ZFAND3: variants seen among roughly 807,000 people sequenced by gnomAD.
The protein encoded by ZFAND3 is AN1-type zinc finger protein 3.
ZFAND3 carries 10 observed loss-of-function variants against 29.6 expected under a neutral mutation model. The ratio of observed to expected loss-of-function variants is 0.34; its 90% CI spans 0.21 to 0.57. The LOEUF (loss-of-function observed/expected upper bound fraction) is 0.57, where lower values mean the gene tolerates loss of function less well. ZFAND3 is among the 20% of genes least tolerant of loss of function. The probability of loss-of-function intolerance (pLI) is 0.86; values close to 1 mark genes in which losing one functional copy is unlikely to be tolerated. For missense variants in ZFAND3, 230 were observed against 304.5 expected, an observed-to-expected ratio of 0.76 and a Z score of 1.82; for synonymous variants, 128 against 112.6, an observed-to-expected ratio of 1.14 and a Z score of -0.87.
At chr6:38,022,891 A>AACT (rs1447460963) in intron 2 of ZFAND3, among the ~76,000 whole-genome samples, 5 of 152,194 alleles carry the variant, frequency 3.3e-5, no homozygotes, top group East Asian at 1.9e-4. Flanking sequence ...GACTCTTAGT[A>AACT]TAGTTCAGCC....
chr6:37,912,991 A>G (rs1765550197), intron 1 of ZFAND3, among the ~76,000 whole-genome samples: 1 of 152,222 alleles, frequency 6.6e-6, no homozygotes, highest in African/African-American at 2.4e-5. Flanking sequence ...TAATAGCATT[A>G]TGTCTAAAAA....
At chr6:38,039,620 G>A (rs1287997288) in intron 2 of ZFAND3, among the ~76,000 whole-genome samples, 1 of 152,270 alleles carries the variant, frequency 6.6e-6, no homozygotes, top group African/African-American at 2.4e-5. Flanking sequence ...TGTAAGACAT[G>A]CAGTACAGTA....
Position 38,041,764 on chromosome 6 carries a change from TCC to T in ZFAND3, c.113-19828_113-19827del, listed in dbSNP as rs1763783808. Among the ~76,000 whole-genome samples, 3 of 2,624 alleles carry T rather than the reference TCC, an allele frequency of 1.1e-3. 1 individual carries two copies. The highest frequency in any genetic ancestry group is 1.3e-3 in the African/African-American group (3 of 2,226). 1.7% of individuals were successfully genotyped at this position (2,624 alleles called of 152,430 possible). ...CTCCTCCTCCTCCTCCTCCTCCTCCTCCTCCTCCTCCTCCTCCTCTTCTTTCT... is the reference window on the plus strand; with the variant it reads ...CTCCTCCTCCTCCTCCTCCTCCTCCTTCCTCCTCCTCCTCCTCTTCTTTCT... On this transcript the variant is annotated intron_variant, in intron 2 of 5. Transcript: ENST00000287218.
In ZFAND3 at chr6:38,152,636, TTG is replaced by T; in HGVS notation, c.*248_*249del. Reference sequence around the variant, plus strand: ...TTAAAACATGAAGAATATTTTTTTTTTGAGCATGGCTAGTGGATTTAAAACAA... The same window carrying T: ...TTAAAACATGAAGAATATTTTTTTTTAGCATGGCTAGTGGATTTAAAACAA... On this transcript the variant is annotated 3_prime_UTR_variant, in exon 6 of 6. Transcript: ENST00000287218. 1.7e-6 allele frequency: 2 copies of T among 1,176,202 alleles called. No individual in the cohort carries two copies. The highest frequency in any genetic ancestry group is 2.1e-6 in the Non-Finnish European group (2 of 947,014). The allele number at this position is 1,176,202 out of a possible 1,614,324, so 72.9% of individuals were successfully genotyped here. A position where few individuals can be genotyped will look rare whatever the true frequency, so the allele number is the denominator to read the frequency against.
chr6:37,957,323 T>C (rs1762101378), intron 2 of ZFAND3, among the ~76,000 whole-genome samples: 1 of 152,104 alleles, frequency 6.6e-6, no homozygotes, highest in Non-Finnish European at 1.5e-5. Context: ...TTTTTTTTTT[T>C]CATTGAATTC....
chr6:37,912,920 T>G (rs1765548425), intron 1 of ZFAND3, among the ~76,000 whole-genome samples: 1 of 152,202 alleles, frequency 6.6e-6, no homozygotes, highest in Non-Finnish European at 1.5e-5. Flanking sequence ...TACACAAATT[T>G]TTTGGTTTCC....
At chr6:37,905,547 G>C (rs1765392274) in intron 1 of ZFAND3, among the ~76,000 whole-genome samples, 1 of 152,082 alleles carries the variant, frequency 6.6e-6, no homozygotes, top group African/African-American at 2.4e-5. Flanking sequence ...AGATCTTTTA[G>C]GACTAGTGCT....
chr6:37,923,053 G>T (rs907279543), intron 1 of ZFAND3, among the ~76,000 whole-genome samples: 1 of 151,972 alleles, frequency 6.6e-6, no homozygotes, highest in African/African-American at 2.4e-5. Context: ...ATCACACTTA[G>T]CTTAAAACAC....
chr6:38,019,910 C>T (rs1175151708), intron 2 of ZFAND3, among the ~76,000 whole-genome samples: 4 of 152,082 alleles, frequency 2.6e-5, no homozygotes, highest in Non-Finnish European at 5.9e-5. Context: ...TTAGTAGAGA[C>T]GGTTTCAGTA....
At chr6:37,980,777 GTTA>G (rs1422435465) in intron 2 of ZFAND3, among the ~76,000 whole-genome samples, 2 of 152,094 alleles carry the variant, frequency 1.3e-5, no homozygotes, top group African/African-American at 4.8e-5. Flanking sequence ...CTGCTGCAGT[GTTA>G]TTAAGTCATT....
intron 4 of ZFAND3, among the ~76,000 whole-genome samples, chr6:38,103,367 T>TAC (rs1554181121): frequency 8.9e-6 from 1 of 112,270 alleles, no homozygotes; most frequent in African/African-American, 3.3e-5. Context: ...TATATATATA[T>TAC]ACACACAATA....
chr6:37,841,875 T>C (rs552447831), intron 1 of ZFAND3, among the ~76,000 whole-genome samples: 27 of 152,344 alleles, frequency 1.8e-4, no homozygotes, highest in Admixed American at 1.8e-3. Flanking sequence ...CACATACCTG[T>C]ATGTCTTAGT....
At position 37,944,688 on chromosome 6, in the gene ZFAND3, T is replaced by C. The variant is rs1003151425; in HGVS notation, c.112+14689T>C. ...TAACTTGGGTAGCAATTTGAGAACTTAAGTAATGACAATACTAAGTATTTA... is the reference window on the plus strand; with the variant it reads ...TAACTTGGGTAGCAATTTGAGAACTCAAGTAATGACAATACTAAGTATTTA... On this transcript the variant is annotated intron_variant, in intron 2 of 5. Coordinates refer to ENST00000287218, the MANE Select transcript of ZFAND3 (RefSeq NM_021943.3). Among the ~76,000 whole-genome samples the C allele has an allele frequency of 7.2e-5, 11 of 152,304 alleles. 1 individual carries two copies. The highest frequency in any genetic ancestry group is 3.3e-4 in the Admixed American group (5 of 15,298).
At chr6:38,053,025 C>T (rs1416869418) in intron 2 of ZFAND3, among the ~76,000 whole-genome samples, 2 of 146,872 alleles carry the variant, frequency 1.4e-5, no homozygotes, top group East Asian at 2.0e-4. Context: ...CAGCGCAAGA[C>T]TCCATTTCGA....
chr6:38,111,608 G>A (rs1208449220), intron 4 of ZFAND3, among the ~76,000 whole-genome samples: 3 of 152,090 alleles, frequency 2.0e-5, no homozygotes, highest in African/African-American at 7.2e-5. Context: ...TTCACTTAAG[G>A]AAGAGAAATT....
At chr6:37,856,707 CTTATTTT>C (rs1334104861) in intron 1 of ZFAND3, among the ~76,000 whole-genome samples, 3 of 152,010 alleles carry the variant, frequency 2.0e-5, no homozygotes, top group Non-Finnish European at 4.4e-5. Flanking sequence ...ATACATATTT[CTTATTTT>C]TTATATACAA....
chr6:37,849,949 C>T (rs1290499541), intron 1 of ZFAND3, among the ~76,000 whole-genome samples: 2 of 152,138 alleles, frequency 1.3e-5, no homozygotes, highest in African/African-American at 2.4e-5. Context: ...ACTCCTTCCT[C>T]TGTGCTTCCT....
chr6:38,083,684 C>T (rs1486066076), intron 4 of ZFAND3, among the ~76,000 whole-genome samples: 1 of 152,074 alleles, frequency 6.6e-6, no homozygotes, highest in African/African-American at 2.4e-5. Flanking sequence ...TACTGTTAAG[C>T]ACTACCACTA....
intron 1 of ZFAND3, among the ~76,000 whole-genome samples, chr6:37,901,514 C>T (rs549457101): frequency 6.0e-4 from 92 of 152,162 alleles, no homozygotes; most frequent in Admixed American, 9.2e-4. Context: ...CATCAGGAGG[C>T]TGAGGTAGGA....
Sources: allele counts gnomAD v4.1 joint callset (sites outside exome capture counted in the v4.1 genomes callset), GRCh38; gene constraint gnomAD v4.1.1; transcripts MANE v1.5; gene names NCBI Gene and HGNC (gene_info 2026-07-23, HGNC 2026-07-21).